SLC30A7: variants seen among roughly 807,000 people sequenced by gnomAD.
SLC30A7 encodes zinc transporter 7.
In SLC30A7, 35 loss-of-function variants were observed where a neutral mutation model predicts 46.0. The observed-to-expected ratio is 0.76, with a 90% CI of 0.58 to 1.01. SLC30A7 has a LOEUF of 1.01. Ranked by LOEUF, SLC30A7 falls within the 50% of genes least tolerant of loss-of-function variation. The probability of loss-of-function intolerance (pLI) is 0.00; values close to 1 mark genes in which losing one functional copy is unlikely to be tolerated. For synonymous variants in SLC30A7, 147 were observed against 157.8 expected (o/e 0.93, Z 0.51); for missense variants, 464 against 451.1 (o/e 1.03, Z -0.26).
At chr1:100,956,705 T>TA (rs1655245548) in intron 8 of SLC30A7, among the ~76,000 whole-genome samples, 2 of 152,222 alleles carry the variant, frequency 1.3e-5, no homozygotes, top group South Asian at 4.1e-4. Flanking sequence ...TTAAGTAATG[T>TA]TATTTCTCAT....
chr1:100,913,632 A>G, intron 5 of SLC30A7, 31 bp from the exon 6 acceptor site: 7 of 1,531,318 alleles, frequency 4.6e-6, no homozygotes, highest in Non-Finnish European at 6.3e-6. Context: ...ATATTTTTAC[A>G]TACCTTCTGT....
At chr1:100,952,607 AAAAC>A (rs1328410576) in intron 8 of SLC30A7, among the ~76,000 whole-genome samples, 1 of 152,236 alleles carries the variant, frequency 6.6e-6, no homozygotes, top group Non-Finnish European at 1.5e-5. Context: ...GGCAAGAAAA[AAAAC>A]AAAGAGATAT....
the SLC30A7 span, chr1:100,995,604 T>G: frequency 1.3e-5 from 2 of 157,420 alleles, no homozygotes; most frequent in African/African-American, 4.8e-5. Context: ...TTTGAATAAA[T>G]ACTTTAATTC....
chr1:100,923,639 A>C (rs940237011), intron 8 of SLC30A7, among the ~76,000 whole-genome samples: 13 of 152,106 alleles, frequency 8.5e-5, no homozygotes, highest in South Asian at 2.1e-4. Flanking sequence ...TTAGCTGGGC[A>C]TGGTGGTTGT....
At chr1:100,925,801 A>G (rs1653259822) in intron 8 of SLC30A7, among the ~76,000 whole-genome samples, 1 of 152,226 alleles carries the variant, frequency 6.6e-6, no homozygotes, top group African/African-American at 2.4e-5. Flanking sequence ...GGAGAGTTCA[A>G]ATAGACAAAG....
downstream of SLC30A7, chr1:100,981,773 A>G (rs983457316): frequency 6.6e-6 from 1 of 152,224 alleles, no homozygotes; most frequent in Admixed American, 6.5e-5. Context: ...ATTGTGTCTT[A>G]TCAGTTTGAC....
intron 2 of SLC30A7, among the ~76,000 whole-genome samples, 183 bp downstream of exon 2, chr1:100,896,854 T>G (rs1650999891): frequency 6.6e-6 from 1 of 152,164 alleles, no homozygotes. Context: ...TTGAGTAAGA[T>G]CTGGGCCTAT....
At chr1:100,915,248 TCTTTCTTC>T (rs1446686068) in intron 6 of SLC30A7, among the ~76,000 whole-genome samples, 16 of 137,434 alleles carry the variant, frequency 1.2e-4, no homozygotes, top group African/African-American at 2.5e-4. Context: ...TTTCTTTCTT[TCTTTCTTC>T]CTTTCTTTCT....
At chr1:100,939,386 A>G (rs1486097628) in intron 8 of SLC30A7, among the ~76,000 whole-genome samples, 1 of 152,248 alleles carries the variant, frequency 6.6e-6, no homozygotes, top group African/African-American at 2.4e-5. Context: ...ACAAATTCCA[A>G]CTGAATGATG....
intron 9 of SLC30A7, among the ~76,000 whole-genome samples, chr1:100,964,995 A>G (rs548744428): frequency 2.6e-5 from 4 of 152,250 alleles, no homozygotes; most frequent in Non-Finnish European, 5.9e-5. Context: ...CTGACAAAAC[A>G]TAAATATTTT....
intron 8 of SLC30A7, among the ~76,000 whole-genome samples, chr1:100,943,692 G>A (rs1427677018): frequency 5.3e-5 from 8 of 152,174 alleles, no homozygotes. Context: ...TGTATATCAG[G>A]AAATGGGTCA....
intron 8 of SLC30A7, among the ~76,000 whole-genome samples, chr1:100,942,725 T>G (rs1162789245): frequency 6.6e-6 from 1 of 152,220 alleles, no homozygotes; most frequent in African/African-American, 2.4e-5. Context: ...CAAGGCTGGT[T>G]TATGAGTTAT....
At chr1:100,913,465 C>T (rs1165757854) in intron 5 of SLC30A7, among the ~76,000 whole-genome samples, 198 bp from the exon 6 acceptor site, 1 of 152,186 alleles carries the variant, frequency 6.6e-6, no homozygotes, top group African/African-American at 2.4e-5. Flanking sequence ...TCACTTTCCT[C>T]TATGCTTTCA....
intron 2 of SLC30A7, among the ~76,000 whole-genome samples, chr1:100,904,737 C>T (rs986094598): frequency 4.6e-5 from 7 of 152,264 alleles, no homozygotes; most frequent in Non-Finnish European, 7.4e-5. Context: ...TTTCTTCATG[C>T]GCTTACTCCT....
At chr1:100,905,474 T>A (rs1488856827) in intron 2 of SLC30A7, among the ~76,000 whole-genome samples, 3 of 152,114 alleles carry the variant, frequency 2.0e-5, no homozygotes, top group Non-Finnish European at 4.4e-5. Context: ...ATTTTCTCTT[T>A]AAATACTTTT....
intron 6 of SLC30A7, among the ~76,000 whole-genome samples, chr1:100,915,081 A>G (rs995480688): frequency 2.6e-5 from 3 of 113,290 alleles, no homozygotes; most frequent in Non-Finnish European, 4.0e-5. Flanking sequence ...ATCCGTTCCC[A>G]CTGAAAGTTT....
the SLC30A7 span, among the ~76,000 whole-genome samples, chr1:100,994,856 A>G: frequency 6.6e-6 from 1 of 152,176 alleles, no homozygotes; most frequent in African/African-American, 2.4e-5. Context: ...ATCCCAACGC[A>G]TTAATTCATT....
intron 8 of SLC30A7, among the ~76,000 whole-genome samples, chr1:100,930,293 G>A (rs1443711814): frequency 2.6e-5 from 4 of 151,836 alleles, no homozygotes; most frequent in Non-Finnish European, 4.4e-5. Context: ...AAGTCTTTTT[G>A]TTAGGTCTAA....
rs897863202 is a variant in SLC30A7, at chr1:100,912,030, G to T, written c.385-82G>T. The T allele has an allele frequency of 1.7e-5, 22 of 1,271,098 alleles. No homozygotes were observed. In the Admixed American group the frequency reaches 4.6e-4, roughly 27 times the overall value. 78.7% of individuals were successfully genotyped at this position (1,271,098 alleles called of 1,614,324 possible). The stretch of plus-strand genomic sequence containing the variant: ...TTTAATTCCAAAAATAACTGAAAGT[G>T]TTTAATGTTGTCTTATGATTTTGTT... On this transcript the variant is annotated intron_variant, in intron 4 of 10. Coordinates refer to ENST00000357650, the MANE Select transcript of SLC30A7 (RefSeq NM_133496.5).
Sources: allele counts gnomAD v4.1 joint callset (sites outside exome capture counted in the v4.1 genomes callset), GRCh38; gene constraint gnomAD v4.1.1; transcripts MANE v1.5; gene names NCBI Gene and HGNC (gene_info 2026-07-23, HGNC 2026-07-21).